Variants in GAB2 observed in about 807,000 individuals in gnomAD.
GAB2 encodes GRB2-associated-binding protein 2.
A neutral mutation model predicts 65.5 loss-of-function variants in GAB2; 26 were observed. The ratio of observed to expected loss-of-function variants is 0.40; its 90% confidence interval spans 0.29 to 0.55. The LOEUF is 0.55. Ranked by LOEUF, GAB2 falls within the 20% of genes least tolerant of loss-of-function variation. GAB2 has a pLI of 0.53. For missense variants in GAB2, 884 were observed against 875.8 expected, an observed-to-expected ratio of 1.01 and a Z score of -0.12; for synonymous variants, 321 against 329.6, an observed-to-expected ratio of 0.97 and a Z score of 0.28.
At chr11:78,305,885 T>C (rs1855346215) in intron 1 of GAB2, among the ~76,000 whole-genome samples, 2 of 152,312 alleles carry the variant, frequency 1.3e-5, no homozygotes, top group South Asian at 4.1e-4. Context: ...AAGGCAAGCA[T>C]TGCCCATGCT....
intron 5 of GAB2, 76 bp from the exon 6 acceptor site, chr11:78,223,752 T>C: frequency 7.9e-7 from 1 of 1,263,726 alleles, no homozygotes; most frequent in Admixed American, 2.2e-5. Context: ...ACTTTGTAAA[T>C]GAGGCAAGAC....
chr11:78,262,608 T>C (rs1238660597), intron 2 of GAB2, among the ~76,000 whole-genome samples: 2 of 152,112 alleles, frequency 1.3e-5, no homozygotes, highest in Admixed American at 6.5e-5. Context: ...TGGCAGCTCT[T>C]TCTCAGCCCC....
At chr11:78,229,538 C>T (rs956012002) in intron 3 of GAB2, among the ~76,000 whole-genome samples, 6 of 152,176 alleles carry the variant, frequency 3.9e-5, no homozygotes, top group Admixed American at 2.6e-4. Context: ...TTGGGAATGG[C>T]AACAGTTACT....
chr11:78,390,310 C>G lies in GAB2; in HGVS notation c.75+27336G>C, dbSNP rs368251729. Among the ~76,000 whole-genome samples, 33 of 152,254 alleles carry G rather than the reference C, an allele frequency of 2.2e-4. No individual in the cohort carries two copies. The South Asian group carries it at 4.8e-3, about 22-fold the overall frequency. On this transcript the variant is annotated intron_variant, in intron 1 of 9. Transcript: ENST00000361507. ...TAGGTCAACCCAACTTATACAGAGG[C>G]CTTAAACAGTCTCATAAAAAGACTT...
intron 1 of GAB2, among the ~76,000 whole-genome samples, chr11:78,348,558 A>C (rs1356537057): frequency 2.0e-5 from 3 of 152,208 alleles, no homozygotes; most frequent in Non-Finnish European, 4.4e-5. Context: ...AACCCATTAG[A>C]ATGACTAAAA....
intron 1 of GAB2, among the ~76,000 whole-genome samples, chr11:78,312,994 G>A (rs181046334): frequency 1.3e-5 from 2 of 152,184 alleles, no homozygotes; most frequent in East Asian, 3.9e-4. Flanking sequence ...ATGATATACT[G>A]TTTCATGTTA....
intron 1 of GAB2, among the ~76,000 whole-genome samples, chr11:78,297,695 G>C (rs1866875572): frequency 2.0e-5 from 3 of 152,084 alleles, no homozygotes; most frequent in Admixed American, 2.0e-4. Context: ...GTAGATTGAA[G>C]TTTAGATTTT....
At chr11:78,353,409 C>A (rs1014332096) in intron 1 of GAB2, among the ~76,000 whole-genome samples, 2 of 152,176 alleles carry the variant, frequency 1.3e-5, no homozygotes, top group African/African-American at 4.8e-5. Context: ...CCATTGCACT[C>A]CAGCCTGGGT....
In GAB2 at chr11:78,350,422, G is replaced by A. The variant is rs115620973; in HGVS notation, c.75+67224C>T. Among the ~76,000 whole-genome samples, 1,187 of 152,288 alleles carry A rather than the reference G, an allele frequency of 7.8e-3. 14 individuals carry two copies. Among genetic ancestry groups the A allele is most frequent in the African/African-American group, 0.027 (1,126 of 41,552 alleles). ...TTTCAACTTTTAACAAAGGCCCAGC[G>A]TTTCTAACCAAATATAATCTCCCTA... On this transcript the variant is annotated intron_variant, in intron 1 of 9. Transcript: ENST00000361507.
chr11:78,242,308 C>G lies in GAB2; in HGVS notation c.620+7849G>C, dbSNP rs566273498. On this transcript the variant is annotated intron_variant, in intron 3 of 9. Transcript: ENST00000361507. The stretch of plus-strand genomic sequence containing the variant: ...ACGAGGTCAGGAGATCGAGACCAAC[C>G]TGGCTAACACGGTGAAACCCCATCT... 4.6e-5 allele frequency among the ~76,000 whole-genome samples: 7 copies of G among 152,224 alleles called. No individual in the cohort carries two copies. The South Asian group carries it at 1.0e-3, about 23-fold the overall frequency.
intron 1 of GAB2, among the ~76,000 whole-genome samples, chr11:78,356,901 G>A (rs1006636788): frequency 1.3e-5 from 2 of 152,158 alleles, no homozygotes; most frequent in East Asian, 3.9e-4. Context: ...GGTCACAAAA[G>A]GACAAATACT....
At chr11:78,413,954 G>A (rs550784330) in intron 1 of GAB2, among the ~76,000 whole-genome samples, 35 of 152,150 alleles carry the variant, frequency 2.3e-4, no homozygotes, top group African/African-American at 7.9e-4. Flanking sequence ...CAGGTGTGGT[G>A]ATGCATGCCT....
At chr11:78,344,737 T>C (rs1856152928) in intron 1 of GAB2, among the ~76,000 whole-genome samples, 1 of 152,238 alleles carries the variant, frequency 6.6e-6, no homozygotes, top group Non-Finnish European at 1.5e-5. Flanking sequence ...TCATCTTACT[T>C]GTTGGACAGT....
intron 1 of GAB2, among the ~76,000 whole-genome samples, chr11:78,335,381 A>G (rs1254678020): frequency 6.6e-6 from 1 of 152,116 alleles, no homozygotes; most frequent in Non-Finnish European, 1.5e-5. Flanking sequence ...GAGGTTTTAG[A>G]TTTAAGTCTT....
At chr11:78,343,613 G>A (rs924658862) in intron 1 of GAB2, among the ~76,000 whole-genome samples, 2 of 152,140 alleles carry the variant, frequency 1.3e-5, no homozygotes, top group Non-Finnish European at 2.9e-5. Context: ...AGGACCATGG[G>A]GAAAGGCTGT....
At chr11:78,363,319 TC>T (rs1243155084) in intron 1 of GAB2, among the ~76,000 whole-genome samples, 3 of 152,178 alleles carry the variant, frequency 2.0e-5, no homozygotes, top group South Asian at 4.1e-4. Flanking sequence ...ATCTCTAAAT[TC>T]CTCAAGGGAA....
rs142317441 is a variant in GAB2, at chr11:78,315,626, T to C, written c.76-34725A>G. ...GGATTTGACAATGTTTTCTTGGATG[T>C]GACACCAAAGGTATAGGTAGCAAAA... On this transcript the variant is annotated intron_variant, in intron 1 of 9. Coordinates refer to ENST00000361507, the MANE Select transcript of GAB2 (RefSeq NM_080491.3). 1.9e-3 allele frequency among the ~76,000 whole-genome samples: 297 copies of C among 152,308 alleles called. 1 individual carries two copies. Among genetic ancestry groups the C allele is most frequent in the Non-Finnish European group, 3.4e-3 (228 of 68,026 alleles).
chr11:78,374,598 T>G (rs1200373972), intron 1 of GAB2, among the ~76,000 whole-genome samples: 2 of 152,260 alleles, frequency 1.3e-5, no homozygotes, highest in Non-Finnish European at 1.5e-5. Context: ...TATTATATGC[T>G]GGTCATTACG....
At chr11:78,399,268 G>C (rs1481532053) in intron 1 of GAB2, among the ~76,000 whole-genome samples, 1 of 152,220 alleles carries the variant, frequency 6.6e-6, no homozygotes, top group Non-Finnish European at 1.5e-5. Flanking sequence ...AAGGGAGACT[G>C]ATAGCCCAAT....
Sources: allele counts gnomAD v4.1 joint callset (sites outside exome capture counted in the v4.1 genomes callset), GRCh38; gene constraint gnomAD v4.1.1; transcripts MANE v1.5; gene names NCBI Gene and HGNC (gene_info 2026-07-23, HGNC 2026-07-21).